MAP2K5: variants seen among roughly 807,000 people sequenced by gnomAD.
The protein encoded by MAP2K5 is dual specificity mitogen-activated protein kinase kinase 5.
MAP2K5 carries 49 observed loss-of-function variants against 83.1 expected under a neutral mutation model. The observed-to-expected ratio is 0.59, with a 90% CI of 0.47 to 0.75. The LOEUF (loss-of-function observed/expected upper bound fraction) is 0.75, where lower values mean the gene tolerates loss of function less well. MAP2K5 is among the 30% of genes least tolerant of loss of function. The pLI is 0.00. For missense variants in MAP2K5, 457 were observed against 557.5 expected (o/e 0.82, Z 1.82); for synonymous variants, 202 against 191.8 (o/e 1.05, Z -0.44).
At position 67,638,762 on chromosome 15, in the gene MAP2K5, A is replaced by G. The variant is rs545973396; in HGVS notation, c.586-7469A>G. Among the ~76,000 whole-genome samples, 3 of 152,266 alleles carry G rather than the reference A, an allele frequency of 2.0e-5. No homozygotes were observed. Among genetic ancestry groups the G allele is most frequent in the South Asian group, 2.1e-4 (1 of 4,820 alleles). On this transcript the variant is annotated intron_variant, in intron 9 of 21. Coordinates refer to ENST00000178640, the MANE Select transcript of MAP2K5 (RefSeq NM_145160.3). The surrounding 1 kb of genome is among the most constrained non-coding windows in gnomAD (Gnocchi z 4.5). ...ATTTTTTGACTTTTTAGTAATAGCC[A>G]TTCTGACTGATGTGAGATGGTATCT...
intron 9 of MAP2K5, among the ~76,000 whole-genome samples, chr15:67,633,549 A>G (rs1459113150): frequency 6.6e-6 from 1 of 152,244 alleles, no homozygotes; most frequent in Non-Finnish European, 1.5e-5. Context: ...TAAAGAAAGG[A>G]CATATTTACA....
intron 11 of MAP2K5, among the ~76,000 whole-genome samples, chr15:67,654,097 GT>G: frequency 6.6e-6 from 1 of 152,026 alleles, no homozygotes; most frequent in Non-Finnish European, 1.5e-5. Flanking sequence ...CTTCTGTATA[GT>G]TTTGTCCATT....
chr15:67,578,923 A>G (rs146618934), intron 3 of MAP2K5, among the ~76,000 whole-genome samples: 308 of 152,332 alleles, frequency 2.0e-3, no homozygotes, highest in African/African-American at 7.2e-3. Flanking sequence ...CATCTCTATA[A>G]TTAACTTGTT....
chr15:67,737,222 C>A (rs1367796236), intron 17 of MAP2K5, among the ~76,000 whole-genome samples: 1 of 152,198 alleles, frequency 6.6e-6, no homozygotes, highest in Non-Finnish European at 1.5e-5. Context: ...TAATTGCTGA[C>A]TGGCTATGGA....
In MAP2K5 at chr15:67,769,319, C is replaced by T. The variant is rs1340030921; in HGVS notation, c.1135-283C>T. The stretch of plus-strand genomic sequence containing the variant: ...AATAATCATTAATTTCTCATTTACA[C>T]TTTCCCTACCTTCTCTCCTACCCTG... On this transcript the variant is annotated intron_variant, in intron 19 of 21. Coordinates refer to ENST00000178640, the MANE Select transcript of MAP2K5 (RefSeq NM_145160.3). This position sits in a 1 kb window ranked among gnomAD's most constrained non-coding sequence, Gnocchi z 5.2. Among the ~76,000 whole-genome samples, 1 of 152,196 alleles carries T rather than the reference C, an allele frequency of 6.6e-6. No individual in the cohort carries two copies. The highest frequency in any genetic ancestry group is 1.5e-5 in the Non-Finnish European group (1 of 68,038).
At position 67,764,196 on chromosome 15, in the gene MAP2K5, G is replaced by A. The variant is rs2090000970; in HGVS notation, c.1135-5406G>A. Among the ~76,000 whole-genome samples, 1 of 152,182 alleles carries A rather than the reference G, an allele frequency of 6.6e-6. No individual in the cohort carries two copies. The highest frequency in any genetic ancestry group is 2.1e-4 in the South Asian group (1 of 4,826). On this transcript the variant is annotated intron_variant, in intron 19 of 21. Transcript: ENST00000178640. This position sits in a 1 kb window ranked among gnomAD's most constrained non-coding sequence, Gnocchi z 4.9. ...GCAGCCAACACCTTGAGATATTTGAGAGGTTGTCCCATCTTCCTTTGCTTT... is the reference window on the plus strand; with the variant it reads ...GCAGCCAACACCTTGAGATATTTGAAAGGTTGTCCCATCTTCCTTTGCTTT...
chr15:67,568,732 C>T (rs1006320592), intron 3 of MAP2K5, among the ~76,000 whole-genome samples: 6 of 152,108 alleles, frequency 3.9e-5, no homozygotes, highest in African/African-American at 7.2e-5. Context: ...GTTGGCTGGG[C>T]GCGGTGGCTC....
intron 16 of MAP2K5, among the ~76,000 whole-genome samples, chr15:67,715,905 G>A (rs191362645): frequency 1.1e-4 from 16 of 152,326 alleles, no homozygotes; most frequent in African/African-American, 3.8e-4. Context: ...TTTGCCTTTA[G>A]AGGTAAAAAT....
At chr15:67,612,633 G>A (rs2085953532) in intron 8 of MAP2K5, among the ~76,000 whole-genome samples, 1 of 152,076 alleles carries the variant, frequency 6.6e-6, no homozygotes, top group South Asian at 2.1e-4. Flanking sequence ...GGTTTCTTTT[G>A]ACCCTAGTCA....
At chr15:67,704,513 G>A (rs1289836231) in intron 16 of MAP2K5, among the ~76,000 whole-genome samples, 2 of 152,126 alleles carry the variant, frequency 1.3e-5, no homozygotes, top group African/African-American at 4.8e-5. Flanking sequence ...TGTAATGCAT[G>A]AATGCAATTG....
At chr15:67,603,629 T>C (rs1384126265) in intron 8 of MAP2K5, among the ~76,000 whole-genome samples, 1 of 152,230 alleles carries the variant, frequency 6.6e-6, no homozygotes, top group Non-Finnish European at 1.5e-5. Flanking sequence ...TCATTTTTGC[T>C]CAGGCTTCAG....
rs1319284474 is a variant in MAP2K5, at chr15:67,637,108, A to G, written c.585+6181A>G. On this transcript the variant is annotated intron_variant, in intron 9 of 21. Transcript: ENST00000178640. This position sits in a 1 kb window ranked among gnomAD's most constrained non-coding sequence, Gnocchi z 4.5. Reference sequence around the variant, plus strand: ...ATTTGCCGGGGGCTTTCAGGCCTTCAGCTACAGACTGAAGGCTGCACTGTT... The same window carrying G: ...ATTTGCCGGGGGCTTTCAGGCCTTCGGCTACAGACTGAAGGCTGCACTGTT... Among the ~76,000 whole-genome samples the G allele has an allele frequency of 1.3e-5, 2 of 152,138 alleles. No individual in the cohort carries two copies. Among genetic ancestry groups the G allele is most frequent in the South Asian group, 2.1e-4 (1 of 4,828 alleles).
In MAP2K5 at chr15:67,748,457, T is replaced by C. The variant is rs952616188; in HGVS notation, c.1102-112T>C. On this transcript the variant is annotated intron_variant, in intron 18 of 21. Transcript: ENST00000178640. The surrounding 1 kb of genome is among the most constrained non-coding windows in gnomAD (Gnocchi z 4.0). Reference sequence around the variant, plus strand: ...TCAATGTTTTTATAAGAGTTTGCTGTTGTTGATTAATCTTGCTATATTTTA... The same window carrying C: ...TCAATGTTTTTATAAGAGTTTGCTGCTGTTGATTAATCTTGCTATATTTTA... 1 of 949,166 alleles carries C rather than the reference T, an allele frequency of 1.1e-6. No homozygotes were observed. Among genetic ancestry groups the C allele is most frequent in the South Asian group, 1.5e-5 (1 of 66,644 alleles). 58.8% of individuals were successfully genotyped at this position (949,166 alleles called of 1,614,324 possible).
chr15:67,628,036 C>T (rs2086367225), intron 8 of MAP2K5: 1 of 731,992 alleles, frequency 1.4e-6, no homozygotes. Context: ...GTCACATATG[C>T]CCCTGTGGAG....
intron 17 of MAP2K5, 47 bp downstream of exon 17, chr15:67,727,992 A>G: frequency 3.9e-6 from 6 of 1,526,918 alleles, no homozygotes; most frequent in Non-Finnish European, 5.5e-6. Flanking sequence ...ATTCATTCCT[A>G]TGTATGAAGG....
intron 8 of MAP2K5, among the ~76,000 whole-genome samples, chr15:67,629,824 A>G (rs1230002869): frequency 6.6e-6 from 1 of 152,180 alleles, no homozygotes; most frequent in East Asian, 1.9e-4. Context: ...TGCAATAACA[A>G]TGCTTGTTTA....
Position 67,755,291 on chromosome 15 carries a change from T to C in MAP2K5, c.1134+6690T>C, listed in dbSNP as rs901005168. 6.6e-6 allele frequency among the ~76,000 whole-genome samples: 1 copy of C among 152,156 alleles called. No individual in the cohort carries two copies. Among genetic ancestry groups the C allele is most frequent in the Admixed American group, 6.5e-5 (1 of 15,284 alleles). On this transcript the variant is annotated intron_variant, in intron 19 of 21. Transcript: ENST00000178640. This position sits in a 1 kb window ranked among gnomAD's most constrained non-coding sequence, Gnocchi z 4.7. ...CCACTCCTGGCTTTTAGAAGCTTTT[T>C]AGTAACATTGTTATAAAGTAGGCTC...
intron 16 of MAP2K5, among the ~76,000 whole-genome samples, chr15:67,713,565 G>A (rs563451505): frequency 2.0e-5 from 3 of 152,082 alleles, no homozygotes; most frequent in Admixed American, 6.6e-5. Flanking sequence ...GCAAAACCCC[G>A]TCTCTACTAA....
intron 16 of MAP2K5, among the ~76,000 whole-genome samples, chr15:67,705,158 G>A (rs2088518663): frequency 6.6e-6 from 1 of 152,204 alleles, no homozygotes; most frequent in South Asian, 2.1e-4. Context: ...AAATGCAGAG[G>A]CATGGCACTA....
Sources: gnomAD v4.1 joint callset for allele counts (sites outside exome capture counted in the v4.1 genomes callset) on GRCh38, gnomAD v4.1.1 for gene constraint, Gnocchi (gnomAD v3.1) non-coding constraint, MANE v1.5 for transcripts, NCBI Gene and HGNC (gene_info 2026-07-23, HGNC 2026-07-21) for gene names.